Variants in PHACTR2 observed in about 807,000 individuals in gnomAD.
PHACTR2 encodes the protein chromosome 6 open reading frame 56.
A neutral mutation model predicts 76.0 loss-of-function variants in PHACTR2; 30 were observed. The ratio of observed to expected loss-of-function variants is 0.39; its 90% confidence interval spans 0.30 to 0.54. The LOEUF (loss-of-function observed/expected upper bound fraction) is 0.54. Ranked by LOEUF, PHACTR2 falls within the 20% of genes least tolerant of loss-of-function variation. The pLI, the probability that PHACTR2 is intolerant of heterozygous loss-of-function variation, is 0.61. For synonymous variants in PHACTR2, 292 were observed against 292.5 expected (o/e 1.00, Z 0.02); for missense variants, 696 against 781.1 (o/e 0.89, Z 1.30).
intron 1 of PHACTR2, among the ~76,000 whole-genome samples, chr6:143,563,557 A>AAAAAAC (rs1554287766): frequency 8.0e-5 from 8 of 100,342 alleles, no homozygotes; most frequent in Admixed American, 1.0e-4. Flanking sequence ...GTCTCAAAAA[A>AAAAAAC]AAAAAAAAAA....
At position 143,678,196 on chromosome 6, in the gene PHACTR2, G is replaced by T; in HGVS notation, c.33G>T (p.Pro11=). 1 of 1,536,146 alleles carries T rather than the reference G, an allele frequency of 6.5e-7. No homozygotes were observed. Reference sequence around the variant, plus strand: ...AGACCTCGGTGTCCACGCTGTCCCCGCAGCCCGGCAGCGGTGAGTCCGGGG... The same window carrying T: ...AGACCTCGGTGTCCACGCTGTCCCCTCAGCCCGGCAGCGGTGAGTCCGGGG... MGQTSVSTLS[P]QPGSVDGLDK... is the part of the protein sequence containing the mutation. Residue 11 remains proline (P), a synonymous_variant, in exon 1 of 13, where the codon CCG becomes CCT. Transcript: ENST00000440869. This position sits in a 1 kb window ranked among gnomAD's most constrained non-coding sequence, Gnocchi z 6.2.
rs1269548358 is a variant in PHACTR2 at position 143,608,977 on chromosome 6, T to A, written c.13+655T>A. Among the ~76,000 whole-genome samples, 1 of 152,220 alleles carries A rather than the reference T, an allele frequency of 6.6e-6. No homozygotes were observed. The highest frequency in any genetic ancestry group is 1.5e-5 in the Non-Finnish European group (1 of 68,034). Reference sequence around the variant, plus strand: ...TCAGGTGGAACTTTTTTCTTTTTACTTTGCTGTATTGAACTTTTAGAGGAG... The same window carrying A: ...TCAGGTGGAACTTTTTTCTTTTTACATTGCTGTATTGAACTTTTAGAGGAG... On this transcript the variant is annotated intron_variant, in intron 1 of 11. Transcript: ENST00000305766. This position sits in a 1 kb window ranked among gnomAD's most constrained non-coding sequence, Gnocchi z 4.6.
intron 1 of PHACTR2, among the ~76,000 whole-genome samples, chr6:143,590,806 C>T (rs751049335): frequency 1.3e-5 from 2 of 152,032 alleles, no homozygotes; most frequent in Non-Finnish European, 2.9e-5. Context: ...TAGACCCTTC[C>T]CTTGAAGGGT....
chr6:143,761,466 T>C lies in PHACTR2; in HGVS notation c.694+826T>C, dbSNP rs1779440192. 6.6e-6 allele frequency among the ~76,000 whole-genome samples: 1 copy of C among 152,160 alleles called. No homozygotes were observed. Among genetic ancestry groups the C allele is most frequent in the African/African-American group, 2.4e-5 (1 of 41,428 alleles). On this transcript the variant is annotated intron_variant, in intron 5 of 12. Transcript: ENST00000440869. This position sits in a 1 kb window ranked among gnomAD's most constrained non-coding sequence, Gnocchi z 5.2. The stretch of plus-strand genomic sequence containing the variant: ...TGTCATTTATCTTTTAAAAGGACAT[T>C]AATCAGGCCAGGCCCAGTGGCTCAC...
At position 143,809,714 on chromosome 6, in the gene PHACTR2, GTATA is replaced by G. The variant is rs111770800; in HGVS notation, c.1922+2595_1922+2598del. On this transcript the variant is annotated intron_variant, in intron 12 of 12. Transcript: ENST00000440869. The surrounding 1 kb of genome is among the most constrained non-coding windows in gnomAD (Gnocchi z 4.2). ...TGCATTTATAAATGTGTGTATGTGT[GTATA>G]TATATATATATATTAAATATGTGTA... 2.0e-5 allele frequency among the ~76,000 whole-genome samples: 3 copies of G among 149,322 alleles called. No individual in the cohort carries two copies. The highest frequency in any genetic ancestry group is 2.5e-5 in the African/African-American group (1 of 40,640).
At position 143,693,434 on chromosome 6, in the gene PHACTR2, C is replaced by T. The variant is rs532844395; in HGVS notation, c.46+15225C>T. Reference sequence around the variant, plus strand: ...TGTATTTTTAGTAGAGACGGGGTTTCGCCCTGTTGGCCAGGCTGGTCTCGA... The same window carrying T: ...TGTATTTTTAGTAGAGACGGGGTTTTGCCCTGTTGGCCAGGCTGGTCTCGA... On this transcript the variant is annotated intron_variant, in intron 1 of 12. Transcript: ENST00000440869. 1.5e-4 allele frequency among the ~76,000 whole-genome samples: 23 copies of T among 152,222 alleles called. No individual in the cohort carries two copies. The South Asian group carries it at 3.9e-3, about 26-fold the overall frequency.
chr6:143,794,560 G>A lies in PHACTR2; in HGVS notation c.1845+5650G>A, dbSNP rs1187435379. ...TGTAATCCAAGTGCTTTGAGAGGGT[G>A]AGTTGGGTGGATCACTTGAGGTCAG... On this transcript the variant is annotated intron_variant, in intron 11 of 12. Transcript: ENST00000440869. The surrounding 1 kb of genome is among the most constrained non-coding windows in gnomAD (Gnocchi z 4.1). Among the ~76,000 whole-genome samples the A allele has an allele frequency of 6.6e-6, 1 of 152,144 alleles. No homozygotes were observed. The highest frequency in any genetic ancestry group is 1.5e-5 in the Non-Finnish European group (1 of 68,028).
intron 12 of PHACTR2, among the ~76,000 whole-genome samples, chr6:143,815,038 C>CTA (rs1166029452): frequency 3.3e-5 from 5 of 152,240 alleles, no homozygotes; most frequent in African/African-American, 1.2e-4. Context: ...ATCACAGGAA[C>CTA]TATACTTGAA....
chr6:143,628,924 GATAT>G (rs71024862), intron 1 of PHACTR2, among the ~76,000 whole-genome samples: 186 of 33,720 alleles, frequency 5.5e-3, no homozygotes, highest in Middle Eastern at 0.034. Context: ...AAATGCAGGA[GATAT>G]ATATATATAT....
chr6:143,796,513 C>T (rs572700383), intron 11 of PHACTR2, among the ~76,000 whole-genome samples: 14 of 152,070 alleles, frequency 9.2e-5, no homozygotes, highest in African/African-American at 3.4e-4. Flanking sequence ...CTGCACCCAT[C>T]AACCCATCAC....
chr6:143,598,827 G>C lies in PHACTR2; in HGVS notation c.217+61620G>C, dbSNP rs1049801324. On this transcript the variant is annotated intron_variant, in intron 1 of 11. Coordinates refer to the PHACTR2 transcript ENST00000367584. The surrounding 1 kb of genome is among the most constrained non-coding windows in gnomAD (Gnocchi z 4.1). ...GAATCACTAGACCTCATGTCTCAAAGACTAGCTAAGTGTTTGCTGTGGTCC... is the reference window on the plus strand; with the variant it reads ...GAATCACTAGACCTCATGTCTCAAACACTAGCTAAGTGTTTGCTGTGGTCC... Among the ~76,000 whole-genome samples the C allele has an allele frequency of 7.2e-5, 11 of 152,262 alleles. No individual in the cohort carries two copies. Among genetic ancestry groups the C allele is most frequent in the Admixed American group, 3.3e-4 (5 of 15,286 alleles).
At chr6:143,736,801 C>T (rs1281172974) in intron 2 of PHACTR2, among the ~76,000 whole-genome samples, 2 of 151,710 alleles carry the variant, frequency 1.3e-5, no homozygotes, top group African/African-American at 4.8e-5. Context: ...GTCTCGATCT[C>T]CTGACCTCGT....
At position 143,793,022 on chromosome 6, in the gene PHACTR2, A is replaced by G. The variant is rs1324675892; in HGVS notation, c.1845+4112A>G. Among the ~76,000 whole-genome samples the G allele has an allele frequency of 1.3e-5, 2 of 152,136 alleles. No homozygotes were observed. Among genetic ancestry groups the G allele is most frequent in the African/African-American group, 2.4e-5 (1 of 41,418 alleles). On this transcript the variant is annotated intron_variant, in intron 11 of 12. Coordinates refer to ENST00000440869, the MANE Select transcript of PHACTR2 (RefSeq NM_001100164.2). This position sits in a 1 kb window ranked among gnomAD's most constrained non-coding sequence, Gnocchi z 4.4. ...ATTGTGGCCAAATTTGGAAAATACA[A>G]TTTTCCACACCCACCATTCCCAGCT...
chr6:143,555,170 G>A lies in PHACTR2; in HGVS notation c.217+17963G>A, dbSNP rs567900205. The A allele has an allele frequency of 2.0e-5, 3 of 152,226 alleles. No homozygotes were observed. In the South Asian group the frequency reaches 6.2e-4, roughly 32 times the overall value. The allele number at this position is 152,226 out of a possible 1,614,324, so 9.4% of individuals were successfully genotyped here. On this transcript the variant is annotated intron_variant, in intron 1 of 11. Transcript: ENST00000367584. Reference sequence around the variant, plus strand: ...TTCTTATCTTCCCTTTTTAGTGTGGGAGGCTTCCTGCTTTGCTTTGTCTGC... The same window carrying A: ...TTCTTATCTTCCCTTTTTAGTGTGGAAGGCTTCCTGCTTTGCTTTGTCTGC...
chr6:143,704,058 C>A (rs963931685), intron 1 of PHACTR2, among the ~76,000 whole-genome samples: 1 of 128,568 alleles, frequency 7.8e-6, no homozygotes, highest in Non-Finnish European at 1.7e-5. Flanking sequence ...TTATTCACTT[C>A]ATGGTAAGTC....
rs1023604732 is a variant in PHACTR2, at chr6:143,539,112, G to A, written c.217+1905G>A. ...GGATGGAAATTATGGCCTGTATGCC[G>A]AAAAAGGACAGCAAAGACATTTAAA... On this transcript the variant is annotated intron_variant, in intron 1 of 11. Transcript: ENST00000367584. This position sits in a 1 kb window ranked among gnomAD's most constrained non-coding sequence, Gnocchi z 4.3. 6.6e-6 allele frequency among the ~76,000 whole-genome samples: 1 copy of A among 152,142 alleles called. No individual in the cohort carries two copies. The highest frequency in any genetic ancestry group is 6.5e-5 in the Admixed American group (1 of 15,270).
intron 12 of PHACTR2, among the ~76,000 whole-genome samples, chr6:143,814,755 A>G (rs1358276735): frequency 6.6e-6 from 1 of 151,836 alleles, no homozygotes; most frequent in Non-Finnish European, 1.5e-5. Context: ...GGCGCCCACC[A>G]CTACGCCTGG....
At chr6:143,736,764 C>T (rs1025673795) in intron 2 of PHACTR2, among the ~76,000 whole-genome samples, 3 of 151,140 alleles carry the variant, frequency 2.0e-5, no homozygotes, top group Non-Finnish European at 4.4e-5. Flanking sequence ...TTAATAGAGA[C>T]GGGGTTTTAC....
intron 1 of PHACTR2, among the ~76,000 whole-genome samples, chr6:143,579,195 T>A (rs34703787): frequency 6.6e-6 from 1 of 152,074 alleles, no homozygotes; most frequent in Non-Finnish European, 1.5e-5. Context: ...TGAGCCACTG[T>A]GACCTGCTCC....
Sources: allele counts gnomAD v4.1 joint callset (sites outside exome capture counted in the v4.1 genomes callset), GRCh38; gene constraint gnomAD v4.1.1; non-coding constraint Gnocchi (gnomAD v3.1); transcripts MANE v1.5; gene names NCBI Gene and HGNC (gene_info 2026-07-23, HGNC 2026-07-21).